The following CEP126 variants were observed in gnomAD, a reference collection of about 807,000 sequenced individuals.
CEP126 encodes centrosomal protein 126.
A neutral mutation model predicts 107.8 loss-of-function variants in CEP126; 74 were observed. That is an observed-to-expected ratio of 0.69 (90% CI 0.57 to 0.83). The LOEUF (loss-of-function observed/expected upper bound fraction) is 0.83. Ranked by LOEUF, CEP126 falls within the 40% of genes least tolerant of loss-of-function variation. The probability of loss-of-function intolerance (pLI) is 0.00; values close to 1 mark genes in which losing one functional copy is unlikely to be tolerated. For synonymous variants in CEP126, 449 were observed against 446.0 expected (o/e 1.01, Z -0.08); for missense variants, 1,237 against 1,281.9 (o/e 0.96, Z 0.53).
Position 101,992,760 on chromosome 11 carries a change from G to T in CEP126, c.3245-18G>T. ...TATGTAACTAAATTATTTTGGTATT[G>T]TGATATAATTATTTCAGATATACAA... On this transcript the variant is annotated intron_variant, in intron 9 of 10. Coordinates refer to ENST00000263468, the MANE Select transcript of CEP126 (RefSeq NM_020802.4). 1 of 1,292,994 alleles carries T rather than the reference G, an allele frequency of 7.7e-7. No individual in the cohort carries two copies. The highest frequency in any genetic ancestry group is 1.4e-5 in the South Asian group (1 of 69,678). 80.1% of individuals were successfully genotyped at this position (1,292,994 alleles called of 1,614,324 possible).
intron 2 of CEP126, among the ~76,000 whole-genome samples, chr11:101,943,085 C>G (rs1382842967): frequency 6.7e-6 from 1 of 149,412 alleles, no homozygotes; most frequent in Non-Finnish European, 1.5e-5. Context: ...AGTCCGGATG[C>G]CTTTTTTTTT....
chr11:101,991,899 G>T (rs1941388078), intron 9 of CEP126, among the ~76,000 whole-genome samples: 1 of 152,100 alleles, frequency 6.6e-6, no homozygotes, highest in Non-Finnish European at 1.5e-5. Context: ...ATATTATTTT[G>T]CATCCTTGCA....
In CEP126 at chr11:101,997,730, A is replaced by G; in HGVS notation, c.*87A>G. ...TTTTGTGAAAACCAGCCATAGGAAA[A>G]CATGTGAGCAACAACCCCCATGAAC... On this transcript the variant is annotated 3_prime_UTR_variant, in exon 11 of 11. Transcript: ENST00000263468. 1 of 1,581,850 alleles carries G rather than the reference A, an allele frequency of 6.3e-7. No individual in the cohort carries two copies. Among genetic ancestry groups the G allele is most frequent in the Non-Finnish European group, 8.6e-7 (1 of 1,158,622 alleles).
Position 101,915,410 on chromosome 11 carries a change from C to A in CEP126, c.126C>A (p.Tyr42Ter), listed in dbSNP as rs777711313. The A allele has an allele frequency of 6.2e-7, 1 of 1,611,628 alleles. No individual in the cohort carries two copies. Among genetic ancestry groups the A allele is most frequent in the Admixed American group, 1.7e-5 (1 of 59,888 alleles). Residue 42 changes from tyrosine to a stop codon, truncating the protein, a stop_gained and splice_region_variant, in exon 1 of 11, where the codon TAC becomes TAA. Transcript: ENST00000263468. LOFTEE classifies it high-confidence loss of function. ...ESGGHHRPGS[Y>*]LDMKIHLEKN... ...GCGGGCATCACCGACCTGGCTCTTA[C>A]CTGTATCCTTCCCAGCCTGTGGCTG...
At chr11:101,987,099 A>G in intron 9 of CEP126, 58 bp downstream of exon 9, 1 of 1,196,330 alleles carries the variant, frequency 8.4e-7, no homozygotes, top group Non-Finnish European at 1.2e-6. Context: ...AGACAATTTT[A>G]ATTTAAACTT....
At chr11:101,983,484 C>A (rs1435886923) in intron 8 of CEP126, among the ~76,000 whole-genome samples, 2 of 152,130 alleles carry the variant, frequency 1.3e-5, no homozygotes, top group East Asian at 3.8e-4. Flanking sequence ...GATCATGAAA[C>A]AAGCAAAGAT....
chr11:101,952,691 G>A (rs906310433), intron 4 of CEP126, among the ~76,000 whole-genome samples: 6 of 152,178 alleles, frequency 3.9e-5, no homozygotes, highest in Admixed American at 6.5e-5. Context: ...AGGGGAGGAA[G>A]TAATTGGAAG....
chr11:101,926,178 A>G (rs1339816902), intron 2 of CEP126, among the ~76,000 whole-genome samples: 1 of 152,200 alleles, frequency 6.6e-6, no homozygotes, highest in Non-Finnish European at 1.5e-5. Context: ...GTACTACAAT[A>G]GCATCACTTA....
chr11:101,965,944 G>A (rs972683181), intron 6 of CEP126, among the ~76,000 whole-genome samples: 2 of 151,918 alleles, frequency 1.3e-5, no homozygotes, highest in Non-Finnish European at 2.9e-5. Flanking sequence ...CTGCTAATTA[G>A]GAAAAATATT....
At position 101,999,618 on chromosome 11, in the gene CEP126, T is replaced by C. The variant is rs1941484137; in HGVS notation, c.*1975T>C. 6.6e-6 allele frequency: 1 copy of C among 152,174 alleles called. No individual in the cohort carries two copies. Among genetic ancestry groups the C allele is most frequent in the African/African-American group, 2.4e-5 (1 of 41,446 alleles). 9.4% of individuals were successfully genotyped at this position (152,174 alleles called of 1,614,324 possible). ...TCATATGACCAGAATTCTTCTGTAA[T>C]TCTGCCCATGACTCCTCCAGAATTT... is the stretch of plus-strand genomic sequence containing the variant. On this transcript the variant is annotated 3_prime_UTR_variant, in exon 11 of 11. Transcript: ENST00000263468.
At position 101,915,049 on chromosome 11, in the gene CEP126, C is replaced by T. The variant is rs1940167954; in HGVS notation, c.-236C>T. 1 of 497,262 alleles carries T rather than the reference C, an allele frequency of 2.0e-6. No individual in the cohort carries two copies. Among genetic ancestry groups the T allele is most frequent in the Non-Finnish European group, 3.5e-6 (1 of 286,144 alleles). 30.8% of individuals were successfully genotyped at this position (497,262 alleles called of 1,614,324 possible). On this transcript the variant is annotated 5_prime_UTR_variant, in exon 1 of 11. Coordinates refer to ENST00000263468, the MANE Select transcript of CEP126 (RefSeq NM_020802.4). ...TGTCAAGATGGCGGCTGCAGGGTTG[C>T]TGCCGCCCCATCTGCTATTGCCCGG...
At chr11:101,931,935 T>C (rs74881343) in intron 2 of CEP126, among the ~76,000 whole-genome samples, 3,190 of 152,294 alleles carry the variant, frequency 0.021, 106 homozygotes, top group African/African-American at 0.071. Flanking sequence ...TTTGATGAGA[T>C]GGCTCACATT....
intron 2 of CEP126, 73 bp downstream of exon 2, chr11:101,922,833 A>G (rs1940350767): frequency 1.6e-6 from 2 of 1,245,632 alleles, no homozygotes; most frequent in South Asian, 1.4e-5. Flanking sequence ...TCTACTTTGT[A>G]GCACTTTATG....
intron 2 of CEP126, among the ~76,000 whole-genome samples, chr11:101,927,855 A>G (rs1335324410): frequency 6.6e-6 from 1 of 152,192 alleles, no homozygotes; most frequent in Non-Finnish European, 1.5e-5. Context: ...GAAGTTGATA[A>G]AAACATTCAC....
At chr11:101,941,678 A>G (rs1940666720) in intron 2 of CEP126, among the ~76,000 whole-genome samples, 1 of 152,110 alleles carries the variant, frequency 6.6e-6, no homozygotes, top group African/African-American at 2.4e-5. Flanking sequence ...CTTTTATCAT[A>G]TGGTAATTCT....
At position 101,963,858 on chromosome 11, in the gene CEP126, G is replaced by C. The variant is rs961179497; in HGVS notation, c.2823G>C (p.Leu941=). The C allele has an allele frequency of 5.6e-6, 9 of 1,605,740 alleles. No homozygotes were observed. Among genetic ancestry groups the C allele is most frequent in the Non-Finnish European group, 7.6e-6 (9 of 1,176,638 alleles). Residue 941 remains leucine (L), a synonymous_variant, in exon 6 of 11, where the codon CTG becomes CTC. Coordinates refer to ENST00000263468, the MANE Select transcript of CEP126 (RefSeq NM_020802.4). ...TATGGAAAAGAGGTCCTAATGTCCT[G>C]CATCAAAATAAGAGGGCTACAGGTA... ...VPLWKRGPNV[L]HQNKRATGST... is the part of the protein sequence containing the mutation.
At chr11:101,949,872 G>T (rs191152539) in intron 4 of CEP126, among the ~76,000 whole-genome samples, 4 of 152,162 alleles carry the variant, frequency 2.6e-5, no homozygotes, top group African/African-American at 9.7e-5. Context: ...GAAGAAGGAC[G>T]CTGGACAGGT....
At chr11:101,937,803 G>A (rs1940604667) in intron 2 of CEP126, among the ~76,000 whole-genome samples, 1 of 151,958 alleles carries the variant, frequency 6.6e-6, no homozygotes. Context: ...ATGTGTAGAG[G>A]TTTTCATATT....
rs753625415 is a variant in CEP126, at chr11:101,963,507, A to T, written c.2472A>T (p.Val824=). The change falls in exon 6 of 11, where the codon GTA becomes GTT. Residue 824 remains valine (V), a synonymous_variant. Transcript: ENST00000263468. ...KNIQVSQCQP[V]TPENPQNIIT... ...TACAAGTGTCTCAGTGTCAACCAGT[A>T]ACTCCTGAAAATCCTCAAAACATTA... 3 of 1,614,062 alleles carry T rather than the reference A, an allele frequency of 1.9e-6. No homozygotes were observed. Among genetic ancestry groups the T allele is most frequent in the Admixed American group, 1.7e-5 (1 of 60,014 alleles).
Sources: gnomAD v4.1 joint callset for allele counts (sites outside exome capture counted in the v4.1 genomes callset) on GRCh38, gnomAD v4.1.1 for gene constraint, MANE v1.5 for transcripts, NCBI Gene and HGNC (gene_info 2026-07-23, HGNC 2026-07-21) for gene names.